The following NTM variants were observed in gnomAD, a reference collection of about 807,000 sequenced individuals.
NTM encodes neurotrimin.
Under a neutral mutation model 42.1 loss-of-function variants are expected in NTM, and 13 were observed. That is an observed-to-expected ratio of 0.31 (90% confidence interval 0.20 to 0.49). The LOEUF is 0.49. NTM is among the 20% of genes least tolerant of loss of function. The pLI is 0.99. For synonymous variants in NTM, 187 were observed against 179.2 expected, an observed-to-expected ratio of 1.04 and a Z score of -0.35; for missense variants, 373 against 452.8, an observed-to-expected ratio of 0.82 and a Z score of 1.60.
chr11:132,057,677 T>G (rs1277393658), intron 2 of NTM, among the ~76,000 whole-genome samples: 1 of 152,198 alleles, frequency 6.6e-6, no homozygotes, highest in Non-Finnish European at 1.5e-5. Context: ...TGCAGATGCT[T>G]AATTTGTGAG....
intron 1 of NTM, among the ~76,000 whole-genome samples, chr11:131,705,026 G>A (rs916313413): frequency 4.6e-5 from 7 of 152,126 alleles, no homozygotes; most frequent in South Asian, 2.1e-4. Flanking sequence ...GTTTAAGAAG[G>A]ATCAGACAAA....
At chr11:131,695,526 G>C (rs529583573) in intron 1 of NTM, among the ~76,000 whole-genome samples, 4 of 152,186 alleles carry the variant, frequency 2.6e-5, no homozygotes, top group South Asian at 2.1e-4. Context: ...AGGTTGTCGG[G>C]TTTTGATCCA....
intron 1 of NTM, among the ~76,000 whole-genome samples, chr11:131,814,120 C>T (rs969164342): frequency 2.0e-5 from 3 of 152,140 alleles, no homozygotes; most frequent in African/African-American, 2.4e-5. Flanking sequence ...CTTAATAGAG[C>T]GCTCCACTCT....
At chr11:131,770,741 C>T (rs1364894763) in intron 1 of NTM, 3 of 152,172 alleles carry the variant, frequency 2.0e-5, no homozygotes, top group African/African-American at 7.2e-5. Context: ...GGAACACTGG[C>T]ACTTCCCGAA....
chr11:132,173,049 C>A (rs78784613), intron 3 of NTM, among the ~76,000 whole-genome samples: 2 of 152,296 alleles, frequency 1.3e-5, no homozygotes, highest in East Asian at 3.9e-4. Context: ...GGCCACAATT[C>A]ATTAATTAAA....
intron 1 of NTM, among the ~76,000 whole-genome samples, chr11:131,483,387 C>CA (rs1953820497): frequency 6.6e-6 from 1 of 152,204 alleles, no homozygotes; most frequent in Admixed American, 6.5e-5. Flanking sequence ...GTGGGCATTA[C>CA]AAACCCATTT....
chr11:131,899,767 A>G lies in NTM; in HGVS notation c.83-11797A>G, dbSNP rs185934478. On this transcript the variant is annotated intron_variant, in intron 1 of 8. Coordinates refer to ENST00000683400, the MANE Select transcript of NTM (RefSeq NM_001352005.2). Reference sequence around the variant, plus strand: ...TTTTTATCCTTTAACTACTGTCTTGATTTCTTAAGAGTTTTTTTATTTTAT... The same window carrying G: ...TTTTTATCCTTTAACTACTGTCTTGGTTTCTTAAGAGTTTTTTTATTTTAT... 3.1e-3 allele frequency among the ~76,000 whole-genome samples: 417 copies of G among 135,118 alleles called. 5 individuals are homozygous for G. The highest frequency in any genetic ancestry group is 0.014 in the African/African-American group (401 of 29,292). The allele number at this position is 135,118 out of a possible 152,430, so 88.6% of individuals were successfully genotyped here.
intron 1 of NTM, among the ~76,000 whole-genome samples, chr11:131,807,321 G>A (rs543979361): frequency 1.9e-3 from 285 of 152,270 alleles, no homozygotes; most frequent in Non-Finnish European, 3.3e-3. Flanking sequence ...AAGCCATTCC[G>A]GCTGCCGTAG....
At chr11:132,106,328 A>G (rs1566175706) in intron 2 of NTM, among the ~76,000 whole-genome samples, 1 of 152,122 alleles carries the variant, frequency 6.6e-6, no homozygotes, top group East Asian at 1.9e-4. Flanking sequence ...CTTTTCCAAG[A>G]TGGAAGTCAT....
At chr11:131,564,912 C>T (rs988301245) in intron 1 of NTM, among the ~76,000 whole-genome samples, 1 of 152,212 alleles carries the variant, frequency 6.6e-6, no homozygotes, top group Admixed American at 6.5e-5. Flanking sequence ...CCCTTCGCTT[C>T]CTCTACGTCT....
chr11:131,453,143 T>C (rs1393481813), intron 1 of NTM, among the ~76,000 whole-genome samples: 1 of 152,192 alleles, frequency 6.6e-6, no homozygotes, highest in East Asian at 1.9e-4. Context: ...TCAGGACCAA[T>C]GGTTGAGGAC....
At chr11:132,107,086 A>G (rs979854491) in intron 2 of NTM, among the ~76,000 whole-genome samples, 4 of 152,128 alleles carry the variant, frequency 2.6e-5, no homozygotes, top group Non-Finnish European at 5.9e-5. Context: ...TACATTTATT[A>G]GCCAGGCACT....
At chr11:132,009,850 GA>G (rs2135406700) in intron 2 of NTM, among the ~76,000 whole-genome samples, 1 of 152,314 alleles carries the variant, frequency 6.6e-6, no homozygotes, top group South Asian at 2.1e-4. Flanking sequence ...CTGGTTCTCA[GA>G]GGAACAGAAG....
chr11:131,654,962 A>G (rs997231674), intron 1 of NTM, among the ~76,000 whole-genome samples: 1 of 152,096 alleles, frequency 6.6e-6, no homozygotes, highest in Non-Finnish European at 1.5e-5. Flanking sequence ...GAAATGAAAA[A>G]TCTCAGGCCA....
chr11:131,399,496 C>T (rs930624997), intron 1 of NTM, among the ~76,000 whole-genome samples: 4 of 152,136 alleles, frequency 2.6e-5, no homozygotes, highest in Non-Finnish European at 5.9e-5. Flanking sequence ...TACAAGATTG[C>T]TGTATTTGTC....
At position 132,128,377 on chromosome 11, in the gene NTM, A is replaced by C. The variant is rs114237936; in HGVS notation, c.168-17905A>C. ...ACAATGTTACATCTCAACTGTTGCT[A>C]GTCCTGTTTACTCTCTCAGCTGTAG... On this transcript the variant is annotated intron_variant, in intron 2 of 8. Coordinates refer to ENST00000683400, the MANE Select transcript of NTM (RefSeq NM_001352005.2). Among the ~76,000 whole-genome samples, 986 of 152,236 alleles carry C rather than the reference A, an allele frequency of 6.5e-3. 12 individuals are homozygous for C. The highest frequency in any genetic ancestry group is 0.023 in the African/African-American group (948 of 41,544).
intron 2 of NTM, among the ~76,000 whole-genome samples, chr11:131,926,429 G>A (rs1408379335): frequency 6.6e-6 from 1 of 152,126 alleles, no homozygotes; most frequent in Non-Finnish European, 1.5e-5. Flanking sequence ...CTTGCACGAT[G>A]GTCAAGGTGG....
At chr11:131,391,279 C>T (rs1943954202) in intron 1 of NTM, among the ~76,000 whole-genome samples, 1 of 152,122 alleles carries the variant, frequency 6.6e-6, no homozygotes, top group Admixed American at 6.5e-5. Flanking sequence ...CCGCCACATA[C>T]TTCTCTGTCC....
intron 1 of NTM, among the ~76,000 whole-genome samples, chr11:131,560,260 T>C (rs901439276): frequency 8.5e-5 from 13 of 152,190 alleles, no homozygotes; most frequent in African/African-American, 2.4e-4. Flanking sequence ...TCCAGCTTTC[T>C]ACATGGAAGA....
Sources: gnomAD v4.1 joint callset for allele counts (sites outside exome capture counted in the v4.1 genomes callset) on GRCh38, gnomAD v4.1.1 for gene constraint, MANE v1.5 for transcripts, NCBI Gene and HGNC (gene_info 2026-07-23, HGNC 2026-07-21) for gene names.